The following MAGEC3 variants were observed in gnomAD, a reference collection of about 807,000 sequenced individuals.
MAGEC3 encodes the protein melanoma-associated antigen C3.
MAGEC3 carries 34 observed loss-of-function variants against 35.3 expected under a neutral mutation model. The observed-to-expected ratio is 0.96, with a 90% confidence interval of 0.73 to 1.28. MAGEC3 has a LOEUF of 1.28. MAGEC3 is among the 50% of genes most tolerant of loss of function. The probability of loss-of-function intolerance (pLI) is 0.00; values close to 1 mark genes in which losing one functional copy is unlikely to be tolerated. For synonymous variants in MAGEC3, 202 were observed against 185.6 expected (o/e 1.09, Z -0.72); for missense variants, 561 against 483.6 (o/e 1.16, Z -1.50).
intron 1 of MAGEC3, among the ~76,000 whole-genome samples, chrX:141,859,680 G>A (rs2017803353): frequency 9.0e-6 from 1 of 111,032 alleles, no homozygotes; most frequent in South Asian, 3.8e-4. Context: ...GAATAAAGAA[G>A]GTAAACTACA....
At chrX:141,887,066 C>G (rs1305975052) in intron 4 of MAGEC3, among the ~76,000 whole-genome samples, 3 of 112,029 alleles carry the variant, frequency 2.7e-5, no homozygotes. Flanking sequence ...GCTGCTGTAC[C>G]AGATGTGGTT....
Position 141,838,684 on chromosome X carries a change from C to T in MAGEC3, c.123+246C>T, listed in dbSNP as rs777590185. ...TTAGTTTGCACCTAGGCCTCAATGC[C>T]ACTGGGCTCCAGGACAGTATGTAGT... On this transcript the variant is annotated intron_variant, in intron 1 of 7. Coordinates refer to ENST00000298296, the MANE Select transcript of MAGEC3 (RefSeq NM_138702.1). 182 of 751,929 alleles carry T rather than the reference C, an allele frequency of 2.4e-4. 1 individual carries two copies. In the African/African-American group the frequency reaches 4.0e-3, roughly 17 times the overall value. The allele number at this position is 751,929 out of a possible 1,213,427, so 62.0% of individuals were successfully genotyped here. A position where few individuals can be genotyped will look rare whatever the true frequency, so the allele number is the denominator to read the frequency against.
chrX:141,894,887 G>A (rs1422667303), intron 4 of MAGEC3: 1 of 852,135 alleles, frequency 1.2e-6, no homozygotes, highest in Admixed American at 3.8e-5. Flanking sequence ...TAGGCAAGAA[G>A]GGGTGGGAGG....
At chrX:141,858,868 T>G (rs2017797896) in intron 1 of MAGEC3, among the ~76,000 whole-genome samples, 1 of 111,140 alleles carries the variant, frequency 9.0e-6, no homozygotes, top group South Asian at 3.7e-4. Flanking sequence ...CTGGGTTTTT[T>G]GGGGGGTTTA....
chrX:141,895,441 C>CAAA (rs758578747), intron 5 of MAGEC3, 34 bp downstream of exon 5: 2 of 1,208,298 alleles, frequency 1.7e-6, no homozygotes, highest in East Asian at 5.9e-5. Flanking sequence ...AGGGACTTCG[C>CAAA]ACCAAGGACA....
Position 141,879,218 on chromosome X carries a change from A to G in MAGEC3, c.302A>G (p.Asp101Gly), listed in dbSNP as rs1311598214. The change falls in exon 3 of 8, where the codon GAC becomes GGC. Residue 101 changes from aspartate (D) to glycine (G), a missense_variant. Coordinates refer to ENST00000298296, the MANE Select transcript of MAGEC3 (RefSeq NM_138702.1). ...LSGSPGLQLSDLHFGSQPEGK... is the reference protein window; with the variant it reads ...LSGSPGLQLSGLHFGSQPEGK... ...GGGTCCCCAGGTTTACAACTTTCTG[A>G]CTTGCATTTTGGGAGTCAGCCGGAG... is the stretch of plus-strand genomic sequence containing the variant. 4.2e-6 allele frequency: 5 copies of G among 1,199,579 alleles called. No homozygotes were observed. Among genetic ancestry groups the G allele is most frequent in the Non-Finnish European group, 5.6e-6 (5 of 889,770 alleles).
At chrX:141,891,344 A>G (rs1167707336) in intron 4 of MAGEC3, among the ~76,000 whole-genome samples, 2 of 111,671 alleles carry the variant, frequency 1.8e-5, no homozygotes, top group Non-Finnish European at 3.8e-5. Flanking sequence ...CAGAATTTCT[A>G]TGCACAAAAA....
chrX:141,838,589 T>C (rs2017667148), intron 1 of MAGEC3, 151 bp downstream of exon 1: 1 of 1,037,593 alleles, frequency 9.6e-7, no homozygotes, highest in Non-Finnish European at 1.3e-6. Context: ...GCCTTGATGT[T>C]CATGTCTTTC....
chrX:141,864,029 A>G (rs917674609), intron 1 of MAGEC3, among the ~76,000 whole-genome samples: 2 of 111,871 alleles, frequency 1.8e-5, no homozygotes, highest in Non-Finnish European at 3.8e-5. Context: ...GATTCAACCC[A>G]AATTGCTGTG....
At chrX:141,858,589 T>A (rs2017795957) in intron 1 of MAGEC3, among the ~76,000 whole-genome samples, 1 of 111,514 alleles carries the variant, frequency 9.0e-6, no homozygotes, top group Admixed American at 9.6e-5. Flanking sequence ...ATTCATTTTT[T>A]AAAATTCTTC....
chrX:141,892,903 A>G (rs1393942840), intron 4 of MAGEC3, among the ~76,000 whole-genome samples: 1 of 112,422 alleles, frequency 8.9e-6, no homozygotes, highest in Non-Finnish European at 1.9e-5. Context: ...GATCTTGAAA[A>G]GACAAGCCAG....
At chrX:141,840,664 A>C (rs1194139327) in intron 1 of MAGEC3, among the ~76,000 whole-genome samples, 2 of 111,135 alleles carry the variant, frequency 1.8e-5, no homozygotes, top group African/African-American at 6.5e-5. Context: ...TGGACTGTTC[A>C]GCATTTATTT....
chrX:141,895,668 C>A (rs2018085638), intron 6 of MAGEC3, 109 bp downstream of exon 6: 2 of 626,035 alleles, frequency 3.2e-6, no homozygotes, highest in African/African-American at 2.4e-5. Flanking sequence ...CATATCAGCC[C>A]TCGTAGAGCT....
At chrX:141,870,761 C>G (rs1056096796) in intron 2 of MAGEC3, among the ~76,000 whole-genome samples, 1 of 111,603 alleles carries the variant, frequency 9.0e-6, no homozygotes, top group African/African-American at 3.3e-5. Context: ...AAATTATGTG[C>G]TAGATGCAGA....
At chrX:141,851,645 A>AT (rs1487210898) in intron 1 of MAGEC3, among the ~76,000 whole-genome samples, 1 of 110,702 alleles carries the variant, frequency 9.0e-6, no homozygotes, top group Admixed American at 9.7e-5. Flanking sequence ...ACCACTCTGC[A>AT]TTTTTTCCTT....
At position 141,878,678 on chromosome X, in the gene MAGEC3, G is replaced by A. The variant is rs148674514; in HGVS notation, c.259-497G>A. Among the ~76,000 whole-genome samples, 102 of 112,144 alleles carry A rather than the reference G, an allele frequency of 9.1e-4. 1 individual carries two copies. The East Asian group carries it at 0.029, about 32-fold the overall frequency. The stretch of plus-strand genomic sequence containing the variant: ...CCAGGATGACACAGAGGAAGGACTG[G>A]TGAGACACCCCTCCCAAGAAACAGA... On this transcript the variant is annotated intron_variant, in intron 2 of 7. Coordinates refer to ENST00000298296, the MANE Select transcript of MAGEC3 (RefSeq NM_138702.1).
rs897856266 is a variant in MAGEC3, at chrX:141,892,868, T to G, written c.910-2401T>G. Among the ~76,000 whole-genome samples, 5 of 111,856 alleles carry G rather than the reference T, an allele frequency of 4.5e-5. No individual in the cohort carries two copies. The Admixed American group carries it at 4.8e-4, about 11-fold the overall frequency. ...ATTGGACTTAATTAAAACTAAAAAC[T>G]TTTGCTCTGAAAAGTCACTGTTAAG... On this transcript the variant is annotated intron_variant, in intron 4 of 7. Coordinates refer to ENST00000298296, the MANE Select transcript of MAGEC3 (RefSeq NM_138702.1).
chrX:141,850,364 T>C (rs913583074), intron 1 of MAGEC3, among the ~76,000 whole-genome samples: 1 of 110,818 alleles, frequency 9.0e-6, no homozygotes, highest in African/African-American at 3.3e-5. Flanking sequence ...ACCCCTTATA[T>C]GTAGAATAAA....
chrX:141,868,514 A>G (rs186892209), intron 2 of MAGEC3, among the ~76,000 whole-genome samples: 2 of 112,249 alleles, frequency 1.8e-5, no homozygotes, highest in East Asian at 5.6e-4. Context: ...TTGCTTTATT[A>G]TACTTGGCTT....
Sources: allele counts gnomAD v4.1 joint callset (sites outside exome capture counted in the v4.1 genomes callset), GRCh38; gene constraint gnomAD v4.1.1; transcripts MANE v1.5; gene names NCBI Gene and HGNC (gene_info 2026-07-23, HGNC 2026-07-21).